The following HTT variants were observed in gnomAD, a reference collection of about 807,000 sequenced individuals.
HTT encodes the protein huntingtin.
Under a neutral mutation model 362.3 loss-of-function variants are expected in HTT, and 104 were observed. The ratio of observed to expected loss-of-function variants is 0.29; its 90% CI spans 0.24 to 0.34. The LOEUF (loss-of-function observed/expected upper bound fraction) is 0.34. Ranked by LOEUF, HTT falls within the 10% of genes least tolerant of loss-of-function variation. HTT has a pLI of 1.00. For synonymous variants in HTT, 1,577 were observed against 1,548.7 expected (o/e 1.02, Z -0.43); for missense variants, 3,301 against 3,928.6 (o/e 0.84, Z 4.27).
chr4:3,228,688 AGG>A lies in HTT; in HGVS notation c.7923_7924del (p.Glu2642GlyfsTer25). 2.5e-6 allele frequency: 4 copies of A among 1,610,756 alleles called. No individual in the cohort carries two copies. Among genetic ancestry groups the A allele is most frequent in the Non-Finnish European group, 3.4e-6 (4 of 1,177,998 alleles). The stretch of plus-strand genomic sequence containing the variant: ...GAGGAGGAATGGGACGAGGAAGAGG[AGG>A]AGGAGGCCGACGCCCCTGCACCTTC... On this transcript the variant is annotated frameshift_variant, in exon 58 of 67. Transcript: ENST00000355072. LOFTEE classifies it high-confidence loss of function. The surrounding 1 kb of genome is among the most constrained non-coding windows in gnomAD (Gnocchi z 4.3).
chr4:3,102,239 G>A (rs569562087), intron 3 of HTT, among the ~76,000 whole-genome samples: 2 of 152,350 alleles, frequency 1.3e-5, no homozygotes, highest in African/African-American at 2.4e-5. Context: ...GTGTGTCTGC[G>A]GAAGCAGGGG....
In HTT at chr4:3,225,731, C is replaced by T. The variant is rs2110291502; in HGVS notation, c.7836C>T (p.Tyr2612=). The T allele has an allele frequency of 6.2e-7, 1 of 1,613,978 alleles. No homozygotes were observed. ...NPERELGSMS[Y]KLGQVSIHSV... Reference sequence around the variant, plus strand: ...AGCGGGAGCTGGGGAGCATGAGCTACAAACTCGGCCAGGTCAGTCTCGCGC... The same window carrying T: ...AGCGGGAGCTGGGGAGCATGAGCTATAAACTCGGCCAGGTCAGTCTCGCGC... Residue 2612 remains tyrosine (Y), a synonymous_variant, in exon 57 of 67, where the codon TAC becomes TAT. Transcript: ENST00000355072.
chr4:3,195,891 G>A (rs1719232369), intron 40 of HTT, among the ~76,000 whole-genome samples: 1 of 152,172 alleles, frequency 6.6e-6, no homozygotes, highest in African/African-American at 2.4e-5. Context: ...CCTTGGATAA[G>A]TGACAGGCAT....
intron 21 of HTT, among the ~76,000 whole-genome samples, chr4:3,137,559 T>C (rs1458839461): frequency 7.0e-4 from 106 of 152,192 alleles, no homozygotes; most frequent in Admixed American, 2.3e-3. Context: ...ATTAGTCGGA[T>C]GTGGTGGCAC....
intron 51 of HTT, among the ~76,000 whole-genome samples, chr4:3,216,765 C>G (rs1385855887): frequency 2.0e-5 from 3 of 152,142 alleles, no homozygotes; most frequent in Admixed American, 6.5e-5. Context: ...GTGGCTCACG[C>G]CTGTAATCCC....
chr4:3,216,962 T>G (rs1426391344), intron 51 of HTT, among the ~76,000 whole-genome samples: 1 of 150,848 alleles, frequency 6.6e-6, no homozygotes, highest in Non-Finnish European at 1.5e-5. Context: ...GAGGCGGAGC[T>G]TGCAGTGAGC....
At chr4:3,136,848 A>G (rs1369958496) in intron 21 of HTT, among the ~76,000 whole-genome samples, 1 of 152,048 alleles carries the variant, frequency 6.6e-6, no homozygotes. Flanking sequence ...CTTATTATAC[A>G]TAAATGTTTG....
intron 1 of HTT, among the ~76,000 whole-genome samples, chr4:3,083,530 TACACACACACACACACAC>T (rs56210756): frequency 0.04 from 5,056 of 125,208 alleles, 205 homozygotes; most frequent in African/African-American, 0.064. Flanking sequence ...TCTCTAAATA[TACACACACACACACACAC>T]ACACACACAC....
At chr4:3,108,143 C>T (rs16843824) in intron 6 of HTT, among the ~76,000 whole-genome samples, 12,162 of 152,232 alleles carry the variant, frequency 0.08, 772 homozygotes, top group African/African-American at 0.18. Flanking sequence ...TATAGGGCAA[C>T]TCTGAGAGTA....
intron 37 of HTT, among the ~76,000 whole-genome samples, chr4:3,185,431 G>A (rs1272961436): frequency 1.3e-5 from 2 of 152,222 alleles, no homozygotes; most frequent in East Asian, 3.9e-4. Context: ...TGTAAGATGT[G>A]GCCAGTGTTG....
At chr4:3,210,752 C>A (rs771711256) in intron 47 of HTT, among the ~76,000 whole-genome samples, 3 of 152,056 alleles carry the variant, frequency 2.0e-5, no homozygotes, top group Non-Finnish European at 2.9e-5. Context: ...CCTGGGAGGA[C>A]AAATGCCTGT....
intron 29 of HTT, among the ~76,000 whole-genome samples, chr4:3,168,911 G>GT (rs1420106082): frequency 6.6e-6 from 1 of 151,952 alleles, no homozygotes; most frequent in Non-Finnish European, 1.5e-5. Context: ...CCCTGATGTA[G>GT]TTTTTTTATA....
At chr4:3,077,309 C>T (rs1308209186) in intron 1 of HTT, among the ~76,000 whole-genome samples, 1 of 152,086 alleles carries the variant, frequency 6.6e-6, no homozygotes, top group Non-Finnish European at 1.5e-5. Flanking sequence ...CTAACTTTGT[C>T]CCCAAGAACA....
In HTT at chr4:3,211,022, C is replaced by A. The variant is rs1720132561; in HGVS notation, c.6415-907C>A. On this transcript the variant is annotated intron_variant, in intron 47 of 66. Transcript: ENST00000355072. Reference sequence around the variant, plus strand: ...GGTTCATACGATTCTCCTGCCTCAGCCTCCCAAATAGCTGGTATTAACAGG... The same window carrying A: ...GGTTCATACGATTCTCCTGCCTCAGACTCCCAAATAGCTGGTATTAACAGG... Among the ~76,000 whole-genome samples, 8 of 150,714 alleles carry A rather than the reference C, an allele frequency of 5.3e-5. No individual in the cohort carries two copies. The Admixed American group carries it at 5.3e-4, about 10-fold the overall frequency.
In HTT at chr4:3,210,904, C is replaced by CTTTTTTTTTTTTT. The variant is rs780304223; in HGVS notation, c.6414+958_6414+970dup. On this transcript the variant is annotated intron_variant, in intron 47 of 66. Transcript: ENST00000355072. ...AAATCCATTTACTAAAATTGTTTAT[C>CTTTTTTTTTTTTT]TTTTTTTTTTTTTTTGAGACAAAGT... Among the ~76,000 whole-genome samples, 748 of 122,522 alleles carry CTTTTTTTTTTTTT rather than the reference C, an allele frequency of 6.1e-3. 25 individuals are homozygous for CTTTTTTTTTTTTT. Among genetic ancestry groups the CTTTTTTTTTTTTT allele is most frequent in the African/African-American group, 9.3e-3 (288 of 30,988 alleles). 80.4% of individuals were successfully genotyped at this position (122,522 alleles called of 152,430 possible).
In HTT at chr4:3,128,032, G is replaced by A. The variant is rs139652449; in HGVS notation, c.1743+428G>A. On this transcript the variant is annotated intron_variant, in intron 12 of 66. Transcript: ENST00000355072. ...ACTGCAACTTCTGCCTCCCAGGCTC[G>A]AGCGATTCTCCCGCCTCAGCCTCCT... is the stretch of plus-strand genomic sequence containing the variant. 2.7e-3 allele frequency among the ~76,000 whole-genome samples: 414 copies of A among 152,014 alleles called. 10 individuals are homozygous for A. The highest frequency in any genetic ancestry group is 0.025 in the Admixed American group (376 of 15,272).
intron 46 of HTT, 45 bp from the exon 47 acceptor site, chr4:3,209,782 G>T: frequency 6.2e-7 from 1 of 1,607,678 alleles, no homozygotes; most frequent in South Asian, 1.1e-5. Context: ...AAGTCCCCTT[G>T]AACGCCGCCC....
At chr4:3,123,740 A>G (rs1053565183) in intron 10 of HTT, among the ~76,000 whole-genome samples, 6 of 152,206 alleles carry the variant, frequency 3.9e-5, no homozygotes, top group Non-Finnish European at 8.8e-5. Flanking sequence ...GGACCTGGTT[A>G]TCATTTTTCA....
At position 3,116,072 on chromosome 4, in the gene HTT, TCCACCC is replaced by T; in HGVS notation, c.890-8_890-3del. On this transcript the variant is annotated splice_polypyrimidine_tract_variant and splice_region_variant and intron_variant, in intron 7 of 66. Transcript: ENST00000355072. The stretch of plus-strand genomic sequence containing the variant: ...GAGTCAGATGTTAAGATGTCTTGCT[TCCACCC>T]CCACAGGCTTACTCGTTCCTGTCGA... 1 of 1,597,902 alleles carries T rather than the reference TCCACCC, an allele frequency of 6.3e-7. No individual in the cohort carries two copies.
Sources: allele counts gnomAD v4.1 joint callset (sites outside exome capture counted in the v4.1 genomes callset), GRCh38; gene constraint gnomAD v4.1.1; non-coding constraint Gnocchi (gnomAD v3.1); transcripts MANE v1.5; gene names NCBI Gene and HGNC (gene_info 2026-07-23, HGNC 2026-07-21).